The following LRRC8C variants were observed in gnomAD, a reference collection of about 807,000 sequenced individuals.
LRRC8C encodes the protein leucine rich repeat containing 8 VRAC subunit C, also known as volume-regulated anion channel subunit LRRC8C.
LRRC8C carries 20 observed loss-of-function variants against 55.3 expected under a neutral mutation model. The observed-to-expected ratio is 0.36, with a 90% confidence interval of 0.25 to 0.53. LRRC8C has a LOEUF of 0.53. LRRC8C is among the 20% of genes least tolerant of loss of function. The pLI, the probability that LRRC8C is intolerant of heterozygous loss-of-function variation, is 0.92. For missense variants in LRRC8C, 659 were observed against 951.4 expected, an observed-to-expected ratio of 0.69 and a Z score of 4.04; for synonymous variants, 376 against 360.7, an observed-to-expected ratio of 1.04 and a Z score of -0.48.
chr1:89,686,141 C>A (rs143033796), intron 1 of LRRC8C, among the ~76,000 whole-genome samples: 252 of 151,758 alleles, frequency 1.7e-3, no homozygotes, highest in Non-Finnish European at 2.8e-3. Flanking sequence ...GTCTTTCTGG[C>A]ATCTTCATGT....
At chr1:89,641,907 AGAG>A (rs1015748717) in intron 1 of LRRC8C, among the ~76,000 whole-genome samples, 2 of 152,222 alleles carry the variant, frequency 1.3e-5, no homozygotes, top group Non-Finnish European at 2.9e-5. Context: ...AGGTACCGCA[AGAG>A]GAGCTTATTA....
rs1006379946 is a variant in LRRC8C, at chr1:89,718,408, A to G, written c.*3426A>G. ...CCTTGTATTTACTTGGGTTAAGTGA[A>G]GTCCAAATTCTTACAGTATGCTATT... On this transcript the variant is annotated 3_prime_UTR_variant, in exon 3 of 3. Coordinates refer to ENST00000370454, the MANE Select transcript of LRRC8C (RefSeq NM_032270.5). 4 of 152,192 alleles carry G rather than the reference A, an allele frequency of 2.6e-5. No homozygotes were observed. The highest frequency in any genetic ancestry group is 4.8e-5 in the African/African-American group (2 of 41,464). 9.4% of individuals were successfully genotyped at this position (152,192 alleles called of 1,614,324 possible).
At chr1:89,620,898 A>G in the LRRC8C span, among the ~76,000 whole-genome samples, 4 of 152,264 alleles carry the variant, frequency 2.6e-5, no homozygotes, top group African/African-American at 9.6e-5. Context: ...AGCAAAGACC[A>G]TGACGACTCC....
intron 2 of LRRC8C, among the ~76,000 whole-genome samples, chr1:89,695,463 A>G (rs1658149272): frequency 6.6e-6 from 1 of 152,204 alleles, no homozygotes; most frequent in South Asian, 2.1e-4. Flanking sequence ...CTTACTGTTT[A>G]GGATGTTGAT....
At chr1:89,654,611 T>A (rs1476524129) in intron 1 of LRRC8C, among the ~76,000 whole-genome samples, 1 of 152,164 alleles carries the variant, frequency 6.6e-6, no homozygotes, top group Non-Finnish European at 1.5e-5. Context: ...CTCTCAAATT[T>A]GAAAGTTAGT....
intron 1 of LRRC8C, among the ~76,000 whole-genome samples, chr1:89,664,629 T>C (rs554530693): frequency 2.6e-5 from 4 of 152,332 alleles, no homozygotes; most frequent in Admixed American, 6.5e-5. Flanking sequence ...ATGTGAGCTC[T>C]TTTTTGGTTC....
chr1:89,712,558 G>T (rs1439701825), intron 2 of LRRC8C, 151 bp from the exon 3 acceptor site: 6 of 624,894 alleles, frequency 9.6e-6, no homozygotes, highest in South Asian at 6.3e-5. Context: ...TATGAGCTAA[G>T]AATAAAATCT....
At chr1:89,617,205 T>C in the LRRC8C span, among the ~76,000 whole-genome samples, 24 of 152,318 alleles carry the variant, frequency 1.6e-4, 2 homozygotes, top group Admixed American at 9.1e-4. Context: ...TTATATCTTA[T>C]CATCTAGGCT....
upstream of LRRC8C, among the ~76,000 whole-genome samples, chr1:89,631,240 G>C (rs1196444610): frequency 6.6e-6 from 1 of 152,106 alleles, no homozygotes; most frequent in Non-Finnish European, 1.5e-5. Flanking sequence ...GATGATAAGG[G>C]GATGTGGGTG....
upstream of LRRC8C, among the ~76,000 whole-genome samples, chr1:89,630,719 C>T (rs931130935): frequency 2.0e-5 from 3 of 152,176 alleles, no homozygotes; most frequent in Non-Finnish European, 4.4e-5. Context: ...GGAGAATAAG[C>T]CTTGTACTTC....
chr1:89,624,445 T>C, the LRRC8C span, among the ~76,000 whole-genome samples: 2 of 152,234 alleles, frequency 1.3e-5, no homozygotes, highest in Non-Finnish European at 2.9e-5. Context: ...CAGCTATTTC[T>C]GAAAGGATGT....
At chr1:89,664,074 C>G (rs576375773) in intron 1 of LRRC8C, among the ~76,000 whole-genome samples, 3 of 152,184 alleles carry the variant, frequency 2.0e-5, no homozygotes, top group African/African-American at 7.2e-5. Flanking sequence ...CTGTAGGTTG[C>G]CTGTTCACCC....
At chr1:89,635,574 C>CT (rs892364257) in intron 1 of LRRC8C, among the ~76,000 whole-genome samples, 105 of 152,112 alleles carry the variant, frequency 6.9e-4, no homozygotes, top group Non-Finnish European at 7.5e-4. Context: ...TAATGATATA[C>CT]TTTTTTTTAT....
rs186993025 is a variant in LRRC8C at position 89,664,360 on chromosome 1, G to T, written c.-4-22110G>T. Reference sequence around the variant, plus strand: ...GGTGCAGTTTCAGTTTTCTGCATACGGCTAGCCAGTTTTCCCAACATCATT... The same window carrying T: ...GGTGCAGTTTCAGTTTTCTGCATACTGCTAGCCAGTTTTCCCAACATCATT... On this transcript the variant is annotated intron_variant, in intron 1 of 2. Transcript: ENST00000370454. Among the ~76,000 whole-genome samples, 17 of 152,172 alleles carry T rather than the reference G, an allele frequency of 1.1e-4. No individual in the cohort carries two copies. The East Asian group carries it at 3.3e-3, about 29-fold the overall frequency.
chr1:89,639,849 T>C (rs929021369), intron 1 of LRRC8C, among the ~76,000 whole-genome samples: 7 of 152,220 alleles, frequency 4.6e-5, no homozygotes, highest in Non-Finnish European at 1.0e-4. Context: ...GATGATGAAA[T>C]TTGAAAGTAT....
rs1204694422 is a variant in LRRC8C, at chr1:89,716,477, C to T, written c.*1495C>T. On this transcript the variant is annotated 3_prime_UTR_variant, in exon 3 of 3. Transcript: ENST00000370454. ...AAATTGCTAAGTGGTTGTTGCTTAG[C>T]AATAATTTTTGCCTGACCATCAGCA... 6.6e-6 allele frequency: 1 copy of T among 152,140 alleles called. No homozygotes were observed. The highest frequency in any genetic ancestry group is 1.5e-5 in the Non-Finnish European group (1 of 68,020). The allele number at this position is 152,140 out of a possible 1,614,324, so 9.4% of individuals were successfully genotyped here. A position where few individuals can be genotyped will look rare whatever the true frequency, so the allele number is the denominator to read the frequency against.
At chr1:89,695,497 A>G (rs1216740021) in intron 2 of LRRC8C, among the ~76,000 whole-genome samples, 1 of 152,216 alleles carries the variant, frequency 6.6e-6, no homozygotes, top group Non-Finnish European at 1.5e-5. Flanking sequence ...GGTGATAGAT[A>G]TTGGACTCAG....
In LRRC8C at chr1:89,714,743, C is replaced by A; in HGVS notation, c.2173C>A (p.Leu725Ile). The A allele has an allele frequency of 6.2e-7, 1 of 1,613,902 alleles. No homozygotes were observed. The highest frequency in any genetic ancestry group is 8.5e-7 in the Non-Finnish European group (1 of 1,179,898). Residue 725 changes from leucine to isoleucine, a missense_variant, in exon 3 of 3, where the codon CTC becomes ATC. Coordinates refer to ENST00000370454, the MANE Select transcript of LRRC8C (RefSeq NM_032270.5). This position sits in a 1 kb window ranked among gnomAD's most constrained non-coding sequence, Gnocchi z 4.6. Reference sequence around the variant, plus strand: ...CAAAGTGGAAAGCCTTCCAGATGAACTCTACTTCTGCAAGAAACTTAAAAC... The same window carrying A: ...CAAAGTGGAAAGCCTTCCAGATGAAATCTACTTCTGCAAGAAACTTAAAAC... ...CNKVESLPDE[L>I]YFCKKLKTLK...
chr1:89,625,222 T>C, the LRRC8C span: 1 of 151,848 alleles, frequency 6.6e-6, no homozygotes, highest in African/African-American at 2.4e-5. Flanking sequence ...AGGATAAACA[T>C]GTATAATTTT....
Sources: allele counts gnomAD v4.1 joint callset (sites outside exome capture counted in the v4.1 genomes callset), GRCh38; gene constraint gnomAD v4.1.1; non-coding constraint Gnocchi (gnomAD v3.1); transcripts MANE v1.5; gene names NCBI Gene and HGNC (gene_info 2026-07-23, HGNC 2026-07-21).